The following CNOT6 variants were observed in gnomAD, a reference collection of about 807,000 sequenced individuals.
The protein encoded by CNOT6 is carbon catabolite repression 4 protein.
CNOT6 carries 12 observed loss-of-function variants against 61.2 expected under a neutral mutation model. The observed-to-expected ratio is 0.20, with a 90% CI of 0.13 to 0.32. The LOEUF (loss-of-function observed/expected upper bound fraction) is 0.32, where lower values mean the gene tolerates loss of function less well. Ranked by LOEUF, CNOT6 falls within the 10% of genes least tolerant of loss-of-function variation. The pLI, the probability that CNOT6 is intolerant of heterozygous loss-of-function variation, is 1.00. For missense variants in CNOT6, 405 were observed against 663.9 expected (o/e 0.61, Z 4.28); for synonymous variants, 225 against 240.6 (o/e 0.94, Z 0.60).
In CNOT6 at chr5:180,575,147, A is replaced by G. The variant is rs1265570835; in HGVS notation, c.*947A>G. The G allele has an allele frequency of 6.6e-6, 1 of 152,668 alleles. No individual in the cohort carries two copies. The highest frequency in any genetic ancestry group is 6.5e-5 in the Admixed American group (1 of 15,282). The allele number at this position is 152,668 out of a possible 1,614,324, so 9.5% of individuals were successfully genotyped here. ...TGTCCTATCTCCACTGTGCCTGCCT[A>G]AATTTGTTCTCACCAAGCACTGCCT... On this transcript the variant is annotated 3_prime_UTR_variant, in exon 12 of 12. Transcript: ENST00000261951.
chr5:180,553,975 C>G (rs1312505444), intron 4 of CNOT6, among the ~76,000 whole-genome samples: 1 of 152,094 alleles, frequency 6.6e-6, no homozygotes, highest in Non-Finnish European at 1.5e-5. Flanking sequence ...TTTTTTAAGC[C>G]AACAATATTG....
At chr5:180,525,908 G>A (rs991513157) in intron 1 of CNOT6, among the ~76,000 whole-genome samples, 3 of 149,672 alleles carry the variant, frequency 2.0e-5, no homozygotes, top group Non-Finnish European at 4.5e-5. Flanking sequence ...TAAGATCACT[G>A]GGTTTCTTCT....
chr5:180,542,509 C>G (rs1479174978), intron 2 of CNOT6, among the ~76,000 whole-genome samples: 2 of 152,212 alleles, frequency 1.3e-5, no homozygotes, highest in African/African-American at 4.8e-5. Context: ...AAATGATCCA[C>G]CCACCTTGGC....
rs1237998299 is a variant in CNOT6, at chr5:180,575,404, T to G, written c.*1204T>G. 6.6e-6 allele frequency: 1 copy of G among 152,158 alleles called. No individual in the cohort carries two copies. The highest frequency in any genetic ancestry group is 1.5e-5 in the Non-Finnish European group (1 of 68,028). The allele number at this position is 152,158 out of a possible 1,614,324, so 9.4% of individuals were successfully genotyped here. On this transcript the variant is annotated 3_prime_UTR_variant, in exon 12 of 12. Coordinates refer to ENST00000261951, the MANE Select transcript of CNOT6 (RefSeq NM_001370472.1). ...GTGTGCTGCTTGTCACCCAGAATAC[T>G]ACTATCATGTGAATTCTTTTTGTCG...
intron 9 of CNOT6, 28 bp from the exon 10 acceptor site, chr5:180,569,078 CTCTT>C (rs1203292236): frequency 1.1e-5 from 17 of 1,545,666 alleles, no homozygotes; most frequent in East Asian, 2.3e-5. Context: ...CGGGTTTTGT[CTCTT>C]TCTTTGTTTC....
chr5:180,571,575 T>C (rs1760750758), intron 11 of CNOT6, 143 bp downstream of exon 11: 2 of 669,828 alleles, frequency 3.0e-6, no homozygotes, highest in African/African-American at 3.6e-5. Context: ...TGTTCTTTGT[T>C]TTTTGTTTGA....
chr5:180,572,651 G>A (rs917342380), intron 11 of CNOT6, among the ~76,000 whole-genome samples: 2 of 152,110 alleles, frequency 1.3e-5, no homozygotes, highest in Non-Finnish European at 2.9e-5. Flanking sequence ...TCGGGCTCAG[G>A]CAACCCTCCT....
intron 2 of CNOT6, among the ~76,000 whole-genome samples, chr5:180,546,074 T>C (rs370314088): frequency 1.3e-5 from 2 of 152,200 alleles, no homozygotes; most frequent in African/African-American, 4.8e-5. Context: ...TTTGTATTTT[T>C]AGTAGAGATG....
At chr5:180,510,826 CAG>C (rs1313020745) in intron 1 of CNOT6, among the ~76,000 whole-genome samples, 1 of 151,174 alleles carries the variant, frequency 6.6e-6, no homozygotes, top group Non-Finnish European at 1.5e-5. Flanking sequence ...TTTTTTGCGA[CAG>C]AGTCTCGCTC....
intron 6 of CNOT6, among the ~76,000 whole-genome samples, chr5:180,565,363 C>T (rs1224224066): frequency 2.0e-5 from 3 of 152,248 alleles, no homozygotes; most frequent in Admixed American, 6.5e-5. Context: ...TTTCATGGTG[C>T]GTGTAACAAA....
intron 2 of CNOT6, among the ~76,000 whole-genome samples, chr5:180,535,276 G>A (rs995803965): frequency 6.6e-6 from 1 of 152,204 alleles, no homozygotes; most frequent in Non-Finnish European, 1.5e-5. Context: ...CCCTAATAGT[G>A]AACATTGTAC....
chr5:180,494,386 G>T lies in CNOT6; in HGVS notation c.-380G>T, dbSNP rs1756481569. On this transcript the variant is annotated 5_prime_UTR_variant, in exon 1 of 12. Transcript: ENST00000261951. ...TCCGGGCGCTCGCTGGCTGAGGGACGGCGGCCGCCGCCATGATGCTTGTTT... is the reference window on the plus strand; with the variant it reads ...TCCGGGCGCTCGCTGGCTGAGGGACTGCGGCCGCCGCCATGATGCTTGTTT... The T allele has an allele frequency of 1.3e-5, 2 of 152,950 alleles. No individual in the cohort carries two copies. Among genetic ancestry groups the T allele is most frequent in the South Asian group, 3.5e-4 (2 of 5,666 alleles). The allele number at this position is 152,950 out of a possible 1,614,324, so 9.5% of individuals were successfully genotyped here.
intron 1 of CNOT6, among the ~76,000 whole-genome samples, chr5:180,527,062 G>C (rs1388469716): frequency 1.3e-5 from 2 of 151,860 alleles, no homozygotes; most frequent in Non-Finnish European, 2.9e-5. Flanking sequence ...AATTTTTTTG[G>C]TAAGAGATGG....
intron 11 of CNOT6, among the ~76,000 whole-genome samples, chr5:180,571,757 G>C (rs1030955219): frequency 3.9e-5 from 6 of 151,978 alleles, no homozygotes; most frequent in African/African-American, 1.5e-4. Context: ...GTAGAGATGG[G>C]GTCTCGCTAT....
chr5:180,525,503 C>T (rs1025296975), intron 1 of CNOT6, among the ~76,000 whole-genome samples: 1 of 150,162 alleles, frequency 6.7e-6, no homozygotes, highest in Non-Finnish European at 1.5e-5. Flanking sequence ...GGCACCATCG[C>T]ACTCCAGCCT....
At chr5:180,502,533 G>A (rs1756911176) in intron 1 of CNOT6, among the ~76,000 whole-genome samples, 1 of 151,968 alleles carries the variant, frequency 6.6e-6, no homozygotes, top group Non-Finnish European at 1.5e-5. Context: ...TTAAATATTT[G>A]ATGCGGTTTT....
chr5:180,568,131 G>T (rs1426552839), intron 9 of CNOT6, 128 bp downstream of exon 9: 5 of 857,364 alleles, frequency 5.8e-6, no homozygotes, highest in Non-Finnish European at 8.3e-6. Context: ...GTGAGAAGTT[G>T]TCTTTCCTAA....
chr5:180,515,829 T>G (rs1757610512), intron 1 of CNOT6, among the ~76,000 whole-genome samples: 1 of 151,900 alleles, frequency 6.6e-6, no homozygotes, highest in African/African-American at 2.4e-5. Context: ...GGAAAAGAAG[T>G]AAAGCACAAA....
intron 2 of CNOT6, among the ~76,000 whole-genome samples, chr5:180,540,367 T>C (rs1758971243): frequency 6.6e-6 from 1 of 152,224 alleles, no homozygotes. Flanking sequence ...ATAAGTAATA[T>C]TATACCATTT....
Sources: gnomAD v4.1 joint callset for allele counts (sites outside exome capture counted in the v4.1 genomes callset) on GRCh38, gnomAD v4.1.1 for gene constraint, MANE v1.5 for transcripts, NCBI Gene and HGNC (gene_info 2026-07-23, HGNC 2026-07-21) for gene names.